Variants in MAP3K1 observed in about 807,000 individuals in gnomAD.
MAP3K1 encodes the protein mitogen-activated protein kinase kinase kinase 1.
MAP3K1 carries 36 observed loss-of-function variants against 144.2 expected under a neutral mutation model. The ratio of observed to expected loss-of-function variants is 0.25; its 90% CI spans 0.19 to 0.33. The LOEUF is 0.33. Among genes scored for constraint, MAP3K1 ranks in the 10% least tolerant of loss-of-function variants. The pLI is 1.00. For synonymous variants in MAP3K1, 718 were observed against 688.7 expected (o/e 1.04, Z -0.67); for missense variants, 1,650 against 1,881.9 (o/e 0.88, Z 2.28).
chr5:56,865,706 G>T, intron 5 of MAP3K1, 123 bp from the exon 6 acceptor site: 2 of 969,822 alleles, frequency 2.1e-6, no homozygotes, highest in South Asian at 1.4e-5. Flanking sequence ...TCTTATTTTT[G>T]AAGCTCTTAA....
intron 3 of MAP3K1, among the ~76,000 whole-genome samples, chr5:56,862,718 G>C (rs1408363117): frequency 6.6e-6 from 1 of 152,094 alleles, no homozygotes; most frequent in Non-Finnish European, 1.5e-5. Flanking sequence ...CATATCCATA[G>C]GCTGGATACC....
At chr5:56,876,079 G>T (rs1372510594) in intron 10 of MAP3K1, among the ~76,000 whole-genome samples, 1 of 150,700 alleles carries the variant, frequency 6.6e-6, no homozygotes, top group African/African-American at 2.4e-5. Context: ...GGTAATTTAG[G>T]AGACTAACTG....
At chr5:56,839,462 C>A (rs140339902) in intron 1 of MAP3K1, among the ~76,000 whole-genome samples, 3 of 152,044 alleles carry the variant, frequency 2.0e-5, no homozygotes, top group Non-Finnish European at 2.9e-5. Flanking sequence ...AGATTAAGAT[C>A]CTGAAGTGAA....
intron 10 of MAP3K1, among the ~76,000 whole-genome samples, chr5:56,877,509 C>A (rs1215270841): frequency 7.9e-6 from 1 of 125,986 alleles, no homozygotes; most frequent in Non-Finnish European, 1.7e-5. Context: ...CTCCCTCCCT[C>A]TGCATATATA....
chr5:56,820,961 A>G, intron 1 of MAP3K1: 1 of 269,266 alleles, frequency 3.7e-6, no homozygotes, highest in Non-Finnish European at 5.7e-6. Flanking sequence ...ATGTTCAGGC[A>G]TGTTTTTTTT....
chr5:56,856,140 T>G (rs1747338050), intron 1 of MAP3K1, among the ~76,000 whole-genome samples: 1 of 152,160 alleles, frequency 6.6e-6, no homozygotes, highest in Admixed American at 6.5e-5. Context: ...AAAAATTGTT[T>G]TGGGGTCATA....
At chr5:56,866,638 G>T (rs982458295) in intron 6 of MAP3K1, among the ~76,000 whole-genome samples, 8 of 152,076 alleles carry the variant, frequency 5.3e-5, no homozygotes, top group African/African-American at 1.9e-4. Flanking sequence ...TGTTATTCCC[G>T]AAGTGCCCAG....
chr5:56,893,047 A>T (rs1748595819), intron 19 of MAP3K1, among the ~76,000 whole-genome samples: 1 of 152,102 alleles, frequency 6.6e-6, no homozygotes, highest in African/African-American at 2.4e-5. Flanking sequence ...TGATACTAAG[A>T]ATCAGAATTT....
intron 1 of MAP3K1, among the ~76,000 whole-genome samples, chr5:56,837,814 G>C (rs1409565132): frequency 6.6e-6 from 1 of 152,272 alleles, no homozygotes; most frequent in East Asian, 1.9e-4. Flanking sequence ...ACAGATAAGA[G>C]GCCATTATAG....
chr5:56,820,553 G>A, intron 1 of MAP3K1: 1 of 985,302 alleles, frequency 1.0e-6, no homozygotes, highest in South Asian at 4.7e-5. Flanking sequence ...TATCATGTCA[G>A]CCAAAGAGGG....
intron 1 of MAP3K1, among the ~76,000 whole-genome samples, chr5:56,816,819 G>A (rs147601444): frequency 6.6e-6 from 1 of 152,248 alleles, no homozygotes; most frequent in Non-Finnish European, 1.5e-5. Context: ...CTGGGAATGC[G>A]AACTGCACTG....
chr5:56,841,408 G>A (rs566310550), intron 1 of MAP3K1, among the ~76,000 whole-genome samples: 46 of 152,158 alleles, frequency 3.0e-4, no homozygotes, highest in Non-Finnish European at 3.7e-4. Flanking sequence ...CTAAAAGTTC[G>A]TAACAGTATG....
At chr5:56,865,710 C>G (rs1231527243) in intron 5 of MAP3K1, 119 bp from the exon 6 acceptor site, 1 of 1,018,496 alleles carries the variant, frequency 9.8e-7, no homozygotes, top group African/African-American at 1.6e-5. Flanking sequence ...ATTTTTGAAG[C>G]TCTTAAATCA....
At position 56,881,868 on chromosome 5, in the gene MAP3K1, C is replaced by T. The variant is rs777039063; in HGVS notation, c.2668C>T (p.Pro890Ser). The T allele has an allele frequency of 5.0e-6, 8 of 1,614,042 alleles. No individual in the cohort carries two copies. In the Admixed American group the frequency reaches 1.0e-4, roughly 20 times the overall value. Residue 890 changes from proline (P) to serine (S), a missense_variant, in exon 14 of 20, where the codon CCC becomes TCC. Physicochemically the swap from Pro to Ser is moderately conservative, Grantham distance 74. Transcript: ENST00000399503. ...QQDSFLQASV[P>S]NNYLETTENS... is the part of the protein sequence containing the mutation. ...GGACAGCTTCTTGCAGGCATCTGTTCCCAACAACTATCTGGAAACCACAGA... is the reference window on the plus strand; with the variant it reads ...GGACAGCTTCTTGCAGGCATCTGTTTCCAACAACTATCTGGAAACCACAGA...
chr5:56,846,899 T>A (rs1455054193), intron 1 of MAP3K1, among the ~76,000 whole-genome samples: 1 of 152,252 alleles, frequency 6.6e-6, no homozygotes, highest in Admixed American at 6.5e-5. Flanking sequence ...AACATCTCAA[T>A]TCTATTAGTG....
At chr5:56,876,909 GCATATT>G (rs753033104) in intron 10 of MAP3K1, among the ~76,000 whole-genome samples, 1 of 152,104 alleles carries the variant, frequency 6.6e-6, no homozygotes, top group Non-Finnish European at 1.5e-5. Flanking sequence ...CATTCCTAAA[GCATATT>G]CTGTGGAAGT....
intron 18 of MAP3K1, 106 bp from the exon 19 acceptor site, chr5:56,888,120 T>C: frequency 2.0e-6 from 2 of 1,000,864 alleles, no homozygotes; most frequent in South Asian, 2.6e-5. Context: ...AATTCCTGTT[T>C]GTACCAGTTT....
chr5:56,859,624 C>T, intron 2 of MAP3K1, 91 bp from the exon 3 acceptor site: 1 of 902,072 alleles, frequency 1.1e-6, no homozygotes, highest in South Asian at 1.5e-5. Flanking sequence ...ATAACAAAAA[C>T]TCATTAAGTG....
chr5:56,864,229 G>C (rs1047522243), intron 3 of MAP3K1, among the ~76,000 whole-genome samples: 1 of 152,042 alleles, frequency 6.6e-6, no homozygotes, highest in Non-Finnish European at 1.5e-5. Context: ...ACATTTATGG[G>C]GATGACTGAG....
Sources: gnomAD v4.1 joint callset for allele counts (sites outside exome capture counted in the v4.1 genomes callset) on GRCh38, gnomAD v4.1.1 for gene constraint, MANE v1.5 for transcripts, NCBI Gene and HGNC (gene_info 2026-07-23, HGNC 2026-07-21) for gene names.